The following PCDHA12 variants were observed in gnomAD, a reference collection of about 807,000 sequenced individuals.
PCDHA12 encodes protocadherin alpha-12.
Under a neutral mutation model 60.0 loss-of-function variants are expected in PCDHA12, and 44 were observed. That is an observed-to-expected ratio of 0.73 (90% CI 0.58 to 0.94). The LOEUF (loss-of-function observed/expected upper bound fraction) is 0.94. PCDHA12 is among the 40% of genes least tolerant of loss of function. PCDHA12 has a pLI of 0.00. For missense variants in PCDHA12, 1,276 were observed against 1,239.7 expected (o/e 1.03, Z -0.44); for synonymous variants, 569 against 553.0 (o/e 1.03, Z -0.40).
At chr5:140,927,430 A>C (rs782761686) in intron 1 of PCDHA12, 4 of 1,614,152 alleles carry the variant, frequency 2.5e-6, no homozygotes, top group Non-Finnish European at 3.4e-6. Flanking sequence ...GGTTGACGGC[A>C]GCGAATACCC....
intron 1 of PCDHA12, among the ~76,000 whole-genome samples, chr5:140,907,242 T>A (rs532344223): frequency 6.6e-6 from 1 of 152,328 alleles, no homozygotes; most frequent in African/African-American, 2.4e-5. Flanking sequence ...TAGTTGACAT[T>A]GTAATTGTGA....
In PCDHA12 at chr5:140,927,075, C is replaced by T. The variant is rs1304732952; in HGVS notation, c.2367+49236C>T. On this transcript the variant is annotated intron_variant, in intron 1 of 3. Transcript: ENST00000398631. ...GGAACTTTCGCTTCCTTTCCAGCCA[C>T]CGCGAGCTCTACTTCGGGGTGGATC... 2.5e-6 allele frequency: 4 copies of T among 1,611,188 alleles called. No homozygotes were observed. In the Admixed American group the frequency reaches 5.0e-5, roughly 20 times the overall value.
At chr5:140,924,992 G>T (rs1383717650) in intron 1 of PCDHA12, among the ~76,000 whole-genome samples, 3 of 151,676 alleles carry the variant, frequency 2.0e-5, no homozygotes, top group African/African-American at 7.3e-5. Context: ...TGTAATCCTA[G>T]CACTTTAGGA....
chr5:140,929,257 C>T, intron 1 of PCDHA12: 2 of 1,612,972 alleles, frequency 1.2e-6, no homozygotes, highest in Non-Finnish European at 1.7e-6. Context: ...TGGGGTAGGA[C>T]TGAATTTGCC....
At chr5:140,995,342 A>G (rs2097678065) in intron 3 of PCDHA12, among the ~76,000 whole-genome samples, 1 of 152,122 alleles carries the variant, frequency 6.6e-6, no homozygotes, top group African/African-American at 2.4e-5. Flanking sequence ...TGTAGACGGC[A>G]TGGATAGGTC....
intron 1 of PCDHA12, chr5:140,927,289 A>G: frequency 6.2e-7 from 1 of 1,614,172 alleles, no homozygotes; most frequent in Non-Finnish European, 8.5e-7. Flanking sequence ...GCAGCTGCAC[A>G]TCCCCGAGTT....
At chr5:141,005,095 A>T (rs1554259887) in intron 3 of PCDHA12, among the ~76,000 whole-genome samples, 1 of 152,192 alleles carries the variant, frequency 6.6e-6, no homozygotes, top group South Asian at 2.1e-4. Flanking sequence ...CTTTACATGC[A>T]TTACATCATT....
rs2057180531 is a variant in PCDHA12, at chr5:140,877,520, C to T, written c.2048C>T (p.Ser683Leu). ...GQAPKTSSRASVGAVDPEAAL... is the reference protein window; with the variant it reads ...GQAPKTSSRALVGAVDPEAAL... Reference sequence around the variant, plus strand: ...GCCCCAAAGACGTCGTCGCGGGCCTCAGTGGGCGCTGTGGATCCCGAAGCG... The same window carrying T: ...GCCCCAAAGACGTCGTCGCGGGCCTTAGTGGGCGCTGTGGATCCCGAAGCG... The change falls in exon 1 of 4, where the codon TCA becomes TTA. Residue 683 changes from serine to leucine, a missense_variant. By Grantham distance (145) the Ser-to-Leu change is moderately radical. Transcript: ENST00000398631. The T allele has an allele frequency of 6.2e-7, 1 of 1,613,784 alleles. No homozygotes were observed. Among genetic ancestry groups the T allele is most frequent in the Non-Finnish European group, 8.5e-7 (1 of 1,179,874 alleles).
chr5:140,958,066 C>T (rs782243559), intron 1 of PCDHA12, among the ~76,000 whole-genome samples: 2 of 151,900 alleles, frequency 1.3e-5, no homozygotes, highest in African/African-American at 4.8e-5. Context: ...AGAAAAAACA[C>T]AGAAGCAAAA....
At chr5:140,959,754 T>C (rs1265254392) in intron 1 of PCDHA12, among the ~76,000 whole-genome samples, 1 of 152,222 alleles carries the variant, frequency 6.6e-6, no homozygotes, top group East Asian at 1.9e-4. Flanking sequence ...TAAAGTATAT[T>C]TTAATATTCA....
chr5:141,005,049 T>C (rs1248594838), intron 3 of PCDHA12, among the ~76,000 whole-genome samples: 6 of 152,264 alleles, frequency 3.9e-5, no homozygotes, highest in African/African-American at 1.4e-4. Context: ...TACCATTTAC[T>C]GAATTCTTGC....
At chr5:140,888,286 C>A (rs1277980750) in intron 1 of PCDHA12, among the ~76,000 whole-genome samples, 7 of 152,080 alleles carry the variant, frequency 4.6e-5, no homozygotes, top group African/African-American at 1.7e-4. Context: ...TCCCCTCTAC[C>A]CCCTACCCAG....
intron 1 of PCDHA12, chr5:140,929,147 A>G (rs1247156816): frequency 6.2e-7 from 1 of 1,614,062 alleles, no homozygotes; most frequent in Non-Finnish European, 8.5e-7. Flanking sequence ...AGACTTTCTC[A>G]GACTTATCTC....
chr5:140,944,364 T>G (rs1264806074), intron 1 of PCDHA12, among the ~76,000 whole-genome samples: 1 of 152,072 alleles, frequency 6.6e-6, no homozygotes, highest in Non-Finnish European at 1.5e-5. Flanking sequence ...ATTTTTAATT[T>G]TTTATAGAGA....
At chr5:140,905,251 A>G (rs1382207700) in intron 1 of PCDHA12, among the ~76,000 whole-genome samples, 4 of 152,174 alleles carry the variant, frequency 2.6e-5, no homozygotes, top group East Asian at 1.9e-4. Context: ...ATTCTTCCAC[A>G]TGAGGCTTGG....
intron 1 of PCDHA12, among the ~76,000 whole-genome samples, chr5:140,924,901 A>AAAAAAAATAAAT (rs369245222): frequency 1.2e-5 from 1 of 80,456 alleles, no homozygotes; most frequent in Non-Finnish European, 2.7e-5. Flanking sequence ...TCTCAAAAAA[A>AAAAAAAATAAAT]AAAATAAAAT....
intron 1 of PCDHA12, among the ~76,000 whole-genome samples, chr5:140,903,704 A>G (rs2070513598): frequency 6.6e-6 from 1 of 152,234 alleles, no homozygotes; most frequent in Admixed American, 6.5e-5. Context: ...AAATAGTAAT[A>G]AAATATACAA....
intron 1 of PCDHA12, chr5:140,927,156 G>A (rs1261418178): frequency 6.2e-7 from 1 of 1,614,016 alleles, no homozygotes; most frequent in African/African-American, 1.3e-5. Flanking sequence ...AGCTGTGCAG[G>A]GCCAAAGCTG....
chr5:140,877,277 G>A lies in PCDHA12; in HGVS notation c.1805G>A (p.Gly602Asp). ...AKVRAVDADS[G>D]YNAWLSYELQ... ...GTGCGCGCGGTGGACGCTGACTCCG[G>A]CTATAACGCTTGGCTGTCCTACGAG... Residue 602 changes from glycine (G) to aspartate (D), a missense_variant, in exon 1 of 4, where the codon GGC (glycine) becomes GAC (aspartate). Transcript: ENST00000398631. The A allele has an allele frequency of 6.2e-7, 1 of 1,613,830 alleles. No homozygotes were observed. The highest frequency in any genetic ancestry group is 1.1e-5 in the South Asian group (1 of 91,062).
Sources: allele counts gnomAD v4.1 joint callset (sites outside exome capture counted in the v4.1 genomes callset), GRCh38; gene constraint gnomAD v4.1.1; transcripts MANE v1.5; gene names NCBI Gene and HGNC (gene_info 2026-07-23, HGNC 2026-07-21).